Variants in DCC observed in about 807,000 individuals in gnomAD.
The protein encoded by DCC is DCC netrin 1 receptor.
DCC carries 58 observed loss-of-function variants against 172.5 expected under a neutral mutation model. The ratio of observed to expected loss-of-function variants is 0.34; its 90% CI spans 0.27 to 0.42. The LOEUF is 0.42. Ranked by LOEUF, DCC falls within the 10% of genes least tolerant of loss-of-function variation. The pLI, the probability that DCC is intolerant of heterozygous loss-of-function variation, is 1.00. For synonymous variants in DCC, 709 were observed against 644.5 expected, an observed-to-expected ratio of 1.10 and a Z score of -1.52; for missense variants, 1,740 against 1,791.0, an observed-to-expected ratio of 0.97 and a Z score of 0.51.
chr18:52,922,603 G>T (rs988475515), intron 3 of DCC, among the ~76,000 whole-genome samples: 16 of 152,140 alleles, frequency 1.1e-4, no homozygotes, highest in African/African-American at 3.6e-4. Context: ...GGTTGAAGAT[G>T]ACTTCAATTA....
chr18:52,743,829 G>C (rs2036864737), intron 1 of DCC, among the ~76,000 whole-genome samples: 1 of 152,186 alleles, frequency 6.6e-6, no homozygotes, highest in South Asian at 2.1e-4. Flanking sequence ...CCTGTAAAGG[G>C]AAGAGAAAAA....
At chr18:53,330,663 C>G (rs1229441612) in intron 14 of DCC, among the ~76,000 whole-genome samples, 1 of 152,186 alleles carries the variant, frequency 6.6e-6, no homozygotes. Flanking sequence ...TGCCTGCCTA[C>G]CTGCACTGCC....
intron 2 of DCC, chr18:52,892,638 G>A (rs181224564): frequency 3.3e-5 from 5 of 152,208 alleles, no homozygotes; most frequent in East Asian, 1.9e-4. Flanking sequence ...AAACTTTAGC[G>A]TCAAACATTG....
At chr18:52,736,305 C>A (rs2036728315) in intron 1 of DCC, among the ~76,000 whole-genome samples, 1 of 150,460 alleles carries the variant, frequency 6.6e-6, no homozygotes. Context: ...ACAGAAAAAT[C>A]ACCCAGTGTT....
intron 5 of DCC, among the ~76,000 whole-genome samples, chr18:53,003,135 A>G (rs1007225617): frequency 6.6e-6 from 1 of 152,148 alleles, no homozygotes; most frequent in Admixed American, 6.6e-5. Context: ...AGGGGTGCAG[A>G]GGTGGAAAGT....
At chr18:52,621,919 T>C (rs2034487994) in intron 1 of DCC, among the ~76,000 whole-genome samples, 1 of 152,202 alleles carries the variant, frequency 6.6e-6, no homozygotes, top group Non-Finnish European at 1.5e-5. Flanking sequence ...ACTCCAGACT[T>C]GCTAATTTTT....
At chr18:53,512,447 C>G (rs1282152306) in intron 27 of DCC, among the ~76,000 whole-genome samples, 2 of 151,416 alleles carry the variant, frequency 1.3e-5, no homozygotes, top group Non-Finnish European at 2.9e-5. Context: ...AGCAACGGAA[C>G]AAAGCTGGAT....
chr18:53,414,182 C>T (rs1017620944), intron 20 of DCC, among the ~76,000 whole-genome samples: 3 of 152,058 alleles, frequency 2.0e-5, no homozygotes, highest in African/African-American at 7.2e-5. Flanking sequence ...TTTCATAAAA[C>T]TTATTTAAAG....
chr18:53,508,854 T>C (rs562117284), intron 27 of DCC, among the ~76,000 whole-genome samples: 1 of 152,332 alleles, frequency 6.6e-6, no homozygotes, highest in East Asian at 1.9e-4. Flanking sequence ...CAGGGCTTGC[T>C]CTCAAATCAT....
At chr18:52,698,432 G>T (rs2036047763) in intron 1 of DCC, among the ~76,000 whole-genome samples, 1 of 152,190 alleles carries the variant, frequency 6.6e-6, no homozygotes, top group Non-Finnish European at 1.5e-5. Flanking sequence ...GGAAGGAGAA[G>T]AGAGGAGATT....
chr18:52,519,963 T>C (rs2031761078), intron 1 of DCC, among the ~76,000 whole-genome samples: 1 of 152,154 alleles, frequency 6.6e-6, no homozygotes, highest in Admixed American at 6.5e-5. Context: ...CTCCTCCCAT[T>C]GTATCTCAAG....
intron 21 of DCC, among the ~76,000 whole-genome samples, chr18:53,427,125 A>C (rs1362426549): frequency 6.6e-6 from 1 of 152,168 alleles, no homozygotes; most frequent in East Asian, 1.9e-4. Flanking sequence ...TAAGCCAAAA[A>C]AGATTGTCTC....
chr18:53,056,369 C>T (rs1356901524), intron 5 of DCC, among the ~76,000 whole-genome samples: 1 of 152,062 alleles, frequency 6.6e-6, no homozygotes, highest in East Asian at 1.9e-4. Flanking sequence ...GATTACAATT[C>T]GAGATGAGAT....
chr18:52,933,367 G>A (rs1229469653), intron 5 of DCC, among the ~76,000 whole-genome samples: 1 of 151,706 alleles, frequency 6.6e-6, no homozygotes, highest in Admixed American at 6.6e-5. Context: ...GGAAGACAAG[G>A]GACCCTGAAT....
At chr18:52,990,881 T>C (rs182618793) in intron 5 of DCC, among the ~76,000 whole-genome samples, 2 of 152,314 alleles carry the variant, frequency 1.3e-5, no homozygotes, top group East Asian at 3.9e-4. Flanking sequence ...CGAACATCTT[T>C]ACATATTTCA....
intron 5 of DCC, among the ~76,000 whole-genome samples, chr18:53,036,042 G>A (rs895437804): frequency 3.9e-5 from 6 of 151,934 alleles, no homozygotes; most frequent in Admixed American, 6.6e-5. Context: ...TACACATTTC[G>A]AGGGCTCTTT....
chr18:53,332,614 G>A lies in DCC; in HGVS notation c.2165-7099G>A, dbSNP rs890177633. Among the ~76,000 whole-genome samples the A allele has an allele frequency of 3.3e-5, 5 of 152,136 alleles. No individual in the cohort carries two copies. In the East Asian group the frequency reaches 9.7e-4, roughly 29 times the overall value. On this transcript the variant is annotated intron_variant, in intron 14 of 28. Transcript: ENST00000442544. ...CAAATCAATAAGTAAATATTAGTAG[G>A]AATAACTGATTTTCCATTCATGGAG...
At chr18:52,461,337 A>C (rs184916292) in intron 1 of DCC, among the ~76,000 whole-genome samples, 165 of 152,002 alleles carry the variant, frequency 1.1e-3, no homozygotes, top group African/African-American at 3.9e-3. Context: ...CTTTGGGAAT[A>C]CCCCCCGAAG....
At chr18:53,386,559 G>A (rs1324810534) in intron 16 of DCC, among the ~76,000 whole-genome samples, 1 of 152,120 alleles carries the variant, frequency 6.6e-6, no homozygotes, top group Admixed American at 6.5e-5. Flanking sequence ...TCCACACAGG[G>A]TCTTTCAAAC....
Sources: gnomAD v4.1 joint callset for allele counts (sites outside exome capture counted in the v4.1 genomes callset) on GRCh38, gnomAD v4.1.1 for gene constraint, MANE v1.5 for transcripts, NCBI Gene and HGNC (gene_info 2026-07-23, HGNC 2026-07-21) for gene names.